IDE: variants seen among roughly 807,000 people sequenced by gnomAD.
The protein encoded by IDE is insulin degrading enzyme.
IDE carries 58 observed loss-of-function variants against 133.2 expected under a neutral mutation model. The ratio of observed to expected loss-of-function variants is 0.44; its 90% CI spans 0.35 to 0.54. The LOEUF (loss-of-function observed/expected upper bound fraction) is 0.54, where lower values mean the gene tolerates loss of function less well. Ranked by LOEUF, IDE falls within the 20% of genes least tolerant of loss-of-function variation. IDE has a pLI of 0.00. For synonymous variants in IDE, 396 were observed against 421.3 expected, an observed-to-expected ratio of 0.94 and a Z score of 0.73; for missense variants, 981 against 1,234.0, an observed-to-expected ratio of 0.79 and a Z score of 3.07.
intron 20 of IDE, among the ~76,000 whole-genome samples, chr10:92,465,068 A>C (rs1337141773): frequency 6.6e-6 from 1 of 152,250 alleles, no homozygotes; most frequent in Non-Finnish European, 1.5e-5. Context: ...CTCGAAAGGA[A>C]GGACCATCCA....
intron 1 of IDE, among the ~76,000 whole-genome samples, chr10:92,541,135 T>C (rs1421806141): frequency 6.6e-6 from 1 of 152,172 alleles, no homozygotes; most frequent in Admixed American, 6.5e-5. Context: ...AAGGTGGCAA[T>C]ACTCCCTAAT....
At chr10:92,513,839 C>G (rs1848757099) in intron 5 of IDE, among the ~76,000 whole-genome samples, 1 of 151,750 alleles carries the variant, frequency 6.6e-6, no homozygotes, top group South Asian at 2.1e-4. Flanking sequence ...AAGCAGTGAA[C>G]AAAACAAAGT....
At chr10:92,543,007 G>C (rs1174865236) in intron 1 of IDE, among the ~76,000 whole-genome samples, 3 of 152,132 alleles carry the variant, frequency 2.0e-5, no homozygotes, top group African/African-American at 4.8e-5. Flanking sequence ...TAGCAGATTG[G>C]GAAATTTTAC....
chr10:92,507,990 T>C, intron 8 of IDE, 123 bp downstream of exon 8: 2 of 735,134 alleles, frequency 2.7e-6, no homozygotes, highest in Non-Finnish European at 4.7e-6. Flanking sequence ...ATACAATGGA[T>C]AAGTTGTATG....
intron 23 of IDE, among the ~76,000 whole-genome samples, 164 bp from the exon 24 acceptor site, chr10:92,455,807 T>C (rs1844977504): frequency 6.6e-6 from 1 of 152,136 alleles, no homozygotes; most frequent in African/African-American, 2.4e-5. Context: ...AGGCCTTAAG[T>C]ACTTGTCCTG....
chr10:92,492,772 A>C (rs1008280939), intron 11 of IDE, among the ~76,000 whole-genome samples: 1 of 152,182 alleles, frequency 6.6e-6, no homozygotes, highest in Non-Finnish European at 1.5e-5. Context: ...GAGAATCCCA[A>C]TCTCTGTTCC....
chr10:92,524,296 C>A (rs2135612067), intron 4 of IDE, among the ~76,000 whole-genome samples: 1 of 112,872 alleles, frequency 8.9e-6, no homozygotes, highest in Admixed American at 1.4e-4. Flanking sequence ...CAGAGTGAGA[C>A]TCTATCTCAA....
chr10:92,572,654 C>G (rs1238250584), intron 1 of IDE, among the ~76,000 whole-genome samples: 1 of 152,176 alleles, frequency 6.6e-6, no homozygotes, highest in East Asian at 1.9e-4. Context: ...AAATTCAAGA[C>G]CCAGGCCAGC....
chr10:92,492,164 G>T (rs1023311469), intron 11 of IDE, among the ~76,000 whole-genome samples: 1 of 151,882 alleles, frequency 6.6e-6, no homozygotes, highest in African/African-American at 2.4e-5. Flanking sequence ...GGAGGCTGAG[G>T]CAGGAGAATG....
At chr10:92,559,905 T>C (rs556596345) in intron 1 of IDE, among the ~76,000 whole-genome samples, 1 of 152,096 alleles carries the variant, frequency 6.6e-6, no homozygotes, top group South Asian at 2.1e-4. Flanking sequence ...ACTCGGCTAA[T>C]TTTTTATTTT....
intron 1 of IDE, among the ~76,000 whole-genome samples, chr10:92,540,059 T>C (rs192334253): frequency 4.6e-5 from 7 of 152,160 alleles, no homozygotes; most frequent in African/African-American, 9.6e-5. Flanking sequence ...CTGGTCAATA[T>C]GGTGAAACCC....
chr10:92,466,126 G>T (rs902398548), intron 19 of IDE, among the ~76,000 whole-genome samples: 1 of 151,710 alleles, frequency 6.6e-6, no homozygotes, highest in Non-Finnish European at 1.5e-5. Context: ...AGCTACTTGG[G>T]AGGCTGAGGC....
rs570656622 is a variant in IDE at position 92,520,202 on chromosome 10, T to C, written c.662-5160A>G. On this transcript the variant is annotated intron_variant, in intron 4 of 24. Coordinates refer to ENST00000265986, the MANE Select transcript of IDE (RefSeq NM_004969.4). ...GGGGTTTTGTGAAGCCTAAGAAATGTAATAATGGATGCGAAGAGGGGTTGG... is the reference window on the plus strand; with the variant it reads ...GGGGTTTTGTGAAGCCTAAGAAATGCAATAATGGATGCGAAGAGGGGTTGG... Among the ~76,000 whole-genome samples the C allele has an allele frequency of 3.9e-5, 6 of 152,296 alleles. No homozygotes were observed. The East Asian group carries it at 1.2e-3, about 29-fold the overall frequency.
Position 92,504,869 on chromosome 10 carries a change from G to T in IDE, c.1355C>A (p.Ala452Glu), listed in dbSNP as rs34708742. ...HYYPLEEVLT[A>E]EYLLEEFRPD... ...TCTAAATTCTTCCAGTAAATATTCCGCTGTGAGCACCTCTTCTAGGGGATA... is the reference window on the plus strand; with the variant it reads ...TCTAAATTCTTCCAGTAAATATTCCTCTGTGAGCACCTCTTCTAGGGGATA... Residue 452 changes from alanine (A) to glutamate (E), a missense_variant, in exon 11 of 25, where the codon GCG (alanine) becomes GAG (glutamate). Ala to Glu is a moderately radical substitution (Grantham distance 107). Around this residue, in one of 2 missense-constraint regions of IDE, gnomAD observed 660 missense variants for 894.7 expected, o/e 0.74. Coordinates refer to ENST00000265986, the MANE Select transcript of IDE (RefSeq NM_004969.4). 2 of 1,566,866 alleles carry T rather than the reference G, an allele frequency of 1.3e-6. No homozygotes were observed. Among genetic ancestry groups the T allele is most frequent in the Non-Finnish European group, 1.7e-6 (2 of 1,151,952 alleles).
intron 15 of IDE, among the ~76,000 whole-genome samples, chr10:92,477,343 G>A (rs2135401986): frequency 6.6e-6 from 1 of 152,066 alleles, no homozygotes; most frequent in East Asian, 1.9e-4. Context: ...TGTAGAGACA[G>A]GGTCTTGCCA....
At chr10:92,503,283 G>T (rs1432710798) in intron 11 of IDE, among the ~76,000 whole-genome samples, 1 of 152,046 alleles carries the variant, frequency 6.6e-6, no homozygotes, top group African/African-American at 2.4e-5. Context: ...TGTTCTTGAA[G>T]CTAGATAATT....
At chr10:92,466,645 T>G (rs1308239205) in intron 19 of IDE, among the ~76,000 whole-genome samples, 1 of 140,788 alleles carries the variant, frequency 7.1e-6, no homozygotes. Context: ...TGAGACGGAG[T>G]CTGGCTCTGT....
rs956075879 is a variant in IDE, at chr10:92,510,743, T to C, written c.785-581A>G. 4.0e-5 allele frequency among the ~76,000 whole-genome samples: 6 copies of C among 150,036 alleles called. No homozygotes were observed. The East Asian group carries it at 7.9e-4, about 20-fold the overall frequency. On this transcript the variant is annotated intron_variant, in intron 5 of 24. Transcript: ENST00000265986. ...ACATACATCTCACATGTATGAAATA[T>C]AGCACATACATCTCACATATATGAT...
chr10:92,568,889 A>G (rs1286959547), intron 1 of IDE, among the ~76,000 whole-genome samples: 1 of 152,126 alleles, frequency 6.6e-6, no homozygotes, highest in Non-Finnish European at 1.5e-5. Flanking sequence ...TGGACAGGTG[A>G]GCACAGACAG....
Sources: allele counts gnomAD v4.1 joint callset (sites outside exome capture counted in the v4.1 genomes callset), GRCh38; gene constraint gnomAD v4.1.1; regional missense constraint gnomAD v4.1.1; transcripts MANE v1.5; gene names NCBI Gene and HGNC (gene_info 2026-07-23, HGNC 2026-07-21).